PLAC9: variants seen among roughly 807,000 people sequenced by gnomAD.
PLAC9 encodes the protein placenta associated 9.
Under a neutral mutation model 11.5 loss-of-function variants are expected in PLAC9, and 12 were observed. The ratio of observed to expected loss-of-function variants is 1.05; its 90% CI spans 0.67 to 1.69. The LOEUF is 1.69. PLAC9 is among the 40% of genes most tolerant of loss of function. The probability of loss-of-function intolerance (pLI) is 0.00; values close to 1 mark genes in which losing one functional copy is unlikely to be tolerated. For synonymous variants in PLAC9, 62 were observed against 58.1 expected (o/e 1.07, Z -0.31); for missense variants, 132 against 130.5 (o/e 1.01, Z -0.06).
At chr10:80,143,303 G>A (rs1845062202) in intron 2 of PLAC9, among the ~76,000 whole-genome samples, 1 of 149,438 alleles carries the variant, frequency 6.7e-6, no homozygotes, top group Admixed American at 6.7e-5. Context: ...CTGACCTCAA[G>A]TGATCTCGCC....
intron 3 of PLAC9, 29 bp downstream of exon 3, chr10:80,144,372 C>T (rs1463445632): frequency 1.3e-6 from 2 of 1,559,010 alleles, no homozygotes; most frequent in Admixed American, 1.9e-5. Flanking sequence ...AGAGGACAGC[C>T]TCTGGGCGGC....
At chr10:80,132,295 G>A (rs1844921016), upstream of PLAC9, among the ~76,000 whole-genome samples, 1 of 152,158 alleles carries the variant, frequency 6.6e-6, no homozygotes, top group African/African-American at 2.4e-5. Context: ...ACAGAGAAAA[G>A]CTGCCAAACT....
At position 80,141,618 on chromosome 10, in the gene PLAC9, AC is replaced by A. The variant is rs1845040886; in HGVS notation, c.65-463del. Among the ~76,000 whole-genome samples, 6 of 151,636 alleles carry A rather than the reference AC, an allele frequency of 4.0e-5. No homozygotes were observed. The South Asian group carries it at 6.3e-4, about 16-fold the overall frequency. On this transcript the variant is annotated intron_variant, in intron 1 of 3. Transcript: ENST00000372263. Reference sequence around the variant, plus strand: ...CATCTCAAAACAAACAAACAAACACACAAAAAAACAAACAAGCATCAGAACT... The same window carrying A: ...CATCTCAAAACAAACAAACAAACACAAAAAAAACAAACAAGCATCAGAACT...
upstream of PLAC9, among the ~76,000 whole-genome samples, chr10:80,132,354 G>C (rs66635019): frequency 1.3e-5 from 2 of 152,014 alleles, no homozygotes; most frequent in African/African-American, 2.4e-5. Context: ...GAGTGATGCC[G>C]AGGAAGACAC....
intron 1 of PLAC9, among the ~76,000 whole-genome samples, chr10:80,136,015 T>C (rs1316045700): frequency 6.6e-6 from 1 of 152,214 alleles, no homozygotes; most frequent in Non-Finnish European, 1.5e-5. Flanking sequence ...TCATCTGTGT[T>C]GTGGCCCTTT....
chr10:80,139,981 A>G (rs931126256), intron 1 of PLAC9, among the ~76,000 whole-genome samples: 1 of 152,158 alleles, frequency 6.6e-6, no homozygotes, highest in African/African-American at 2.4e-5. Context: ...CGTGATCTCC[A>G]TCTTACTGCA....
intron 2 of PLAC9, among the ~76,000 whole-genome samples, chr10:80,142,426 T>A (rs1288757015): frequency 1.3e-5 from 2 of 152,086 alleles, no homozygotes; most frequent in East Asian, 3.9e-4. Context: ...GATGGGAAGG[T>A]GGAAATTCAG....
intron 2 of PLAC9, among the ~76,000 whole-genome samples, chr10:80,143,388 A>ATTTTTT (rs1564590926): frequency 1.3e-5 from 1 of 76,976 alleles, no homozygotes; most frequent in African/African-American, 6.1e-5. Context: ...TAAATACTTG[A>ATTTTTT]ATTTTTTTTT....
rs760320471 is a variant in PLAC9, at chr10:80,142,105, C to A, written c.88C>A (p.Arg30=). Residue 30 remains arginine (R), a synonymous_variant, in exon 2 of 4, where the codon CGA becomes AGA. Coordinates refer to ENST00000372263, the MANE Select transcript of PLAC9 (RefSeq NM_001012973.3). ...LAAAEPFSPP[R]GDSAQSTACD... is the part of the protein sequence containing the mutation. ...AGCTGCCGAACCCTTCAGCCCTCCG[C>A]GAGGAGACTCAGCTCAGAGCACAGC... 1 of 1,610,466 alleles carries A rather than the reference C, an allele frequency of 6.2e-7. No individual in the cohort carries two copies. Among genetic ancestry groups the A allele is most frequent in the Non-Finnish European group, 8.5e-7 (1 of 1,177,320 alleles).
At chr10:80,134,189 C>T (rs1436904741) in intron 1 of PLAC9, among the ~76,000 whole-genome samples, 1 of 151,806 alleles carries the variant, frequency 6.6e-6, no homozygotes, top group Non-Finnish European at 1.5e-5. Flanking sequence ...TCATCTATAG[C>T]CTCCACCCTC....
At chr10:80,133,539 A>G (rs1410970044) in intron 1 of PLAC9, among the ~76,000 whole-genome samples, 1 of 152,194 alleles carries the variant, frequency 6.6e-6, no homozygotes, top group Non-Finnish European at 1.5e-5. Context: ...GTCAGTGAAG[A>G]AGTCAGCCTC....
At chr10:80,138,474 G>C (rs1447716586) in intron 1 of PLAC9, among the ~76,000 whole-genome samples, 28 of 152,186 alleles carry the variant, frequency 1.8e-4, no homozygotes, top group Admixed American at 1.8e-3. Context: ...TAATGAAAAG[G>C]ATAATTTGGA....
chr10:80,139,942 G>A (rs1845020912), intron 1 of PLAC9, among the ~76,000 whole-genome samples: 1 of 152,040 alleles, frequency 6.6e-6, no homozygotes, highest in African/African-American at 2.4e-5. Context: ...TAGAATTCTT[G>A]TAATTTTAAC....
At chr10:80,134,819 A>G (rs931092045) in intron 1 of PLAC9, among the ~76,000 whole-genome samples, 1 of 146,148 alleles carries the variant, frequency 6.8e-6, no homozygotes, top group Non-Finnish European at 1.5e-5. Context: ...TAAATATGTA[A>G]GTCTTCTCTC....
Position 80,145,029 on chromosome 10 carries a change from TCTC to T in PLAC9, c.*123_*125del, listed in dbSNP as rs1845087215. The T allele has an allele frequency of 5.4e-6, 7 of 1,294,284 alleles. No homozygotes were observed. Among genetic ancestry groups the T allele is most frequent in the East Asian group, 2.5e-5 (1 of 39,756 alleles). The allele number at this position is 1,294,284 out of a possible 1,614,324, so 80.2% of individuals were successfully genotyped here. On this transcript the variant is annotated 3_prime_UTR_variant, in exon 4 of 4. Coordinates refer to ENST00000372263, the MANE Select transcript of PLAC9 (RefSeq NM_001012973.3). ...TCATGTGAAATAAAAGCTATTCTGG[TCTC>T]CTCTGTGTCTGCTGACAGAGTAACC...
intron 1 of PLAC9, among the ~76,000 whole-genome samples, chr10:80,136,210 C>T (rs1315195603): frequency 1.3e-5 from 2 of 152,280 alleles, no homozygotes; most frequent in South Asian, 2.1e-4. Flanking sequence ...GCACAGGATG[C>T]CCCACCCATG....
intron 1 of PLAC9, 133 bp downstream of exon 1, chr10:80,132,959 A>T: frequency 1.4e-6 from 1 of 704,588 alleles, no homozygotes; most frequent in Middle Eastern, 4.4e-4. Context: ...AGATGCAGGG[A>T]GGGAGGGATG....
At chr10:80,135,321 CTTTTTTTTTT>C (rs139336508) in intron 1 of PLAC9, among the ~76,000 whole-genome samples, 3 of 67,342 alleles carry the variant, frequency 4.5e-5, no homozygotes, top group East Asian at 9.8e-4. Flanking sequence ...TGCGCCCGGC[CTTTTTTTTTT>C]TTTTTTTTTT....
At chr10:80,144,027 C>T (rs987417175) in intron 2 of PLAC9, 196 bp from the exon 3 acceptor site, 11 of 667,926 alleles carry the variant, frequency 1.6e-5, no homozygotes, top group African/African-American at 5.4e-5. Context: ...AGAGAGCAAG[C>T]CCCCTAGGAT....
Sources: allele counts gnomAD v4.1 joint callset (sites outside exome capture counted in the v4.1 genomes callset), GRCh38; gene constraint gnomAD v4.1.1; transcripts MANE v1.5; gene names NCBI Gene and HGNC (gene_info 2026-07-23, HGNC 2026-07-21).